Variants in ULK4 observed in about 807,000 individuals in gnomAD.
ULK4 encodes the protein unc-51 like kinase 4.
A neutral mutation model predicts 160.6 loss-of-function variants in ULK4; 133 were observed. The observed-to-expected ratio is 0.83, with a 90% CI of 0.72 to 0.96. The LOEUF (loss-of-function observed/expected upper bound fraction) is 0.96, where lower values mean the gene tolerates loss of function less well. Among genes scored for constraint, ULK4 ranks in the 40% least tolerant of loss-of-function variants. The probability of loss-of-function intolerance (pLI) is 0.00; values close to 1 mark genes in which losing one functional copy is unlikely to be tolerated. For missense variants in ULK4, 1,580 were observed against 1,499.5 expected (o/e 1.05, Z -0.89); for synonymous variants, 534 against 539.8 (o/e 0.99, Z 0.15).
At chr3:41,585,860 C>A (rs558009362) in intron 31 of ULK4, among the ~76,000 whole-genome samples, 1 of 152,166 alleles carries the variant, frequency 6.6e-6, no homozygotes, top group African/African-American at 2.4e-5. Context: ...CTTGAATAGA[C>A]AATTCTCTAA....
At chr3:41,915,923 T>A in intron 8 of ULK4, 54 bp downstream of exon 8, 1 of 1,247,088 alleles carries the variant, frequency 8.0e-7, no homozygotes, top group Middle Eastern at 1.9e-4. Context: ...TGCCCCTTAC[T>A]CCATTTGCAG....
intron 32 of ULK4, among the ~76,000 whole-genome samples, chr3:41,489,546 C>T (rs1398938197): frequency 6.6e-6 from 1 of 152,184 alleles, no homozygotes; most frequent in Non-Finnish European, 1.5e-5. Context: ...CACCATCCCC[C>T]TTCCTGGCAC....
chr3:41,668,571 G>C (rs1256562979), intron 29 of ULK4, among the ~76,000 whole-genome samples: 1 of 152,096 alleles, frequency 6.6e-6, no homozygotes, highest in Non-Finnish European at 1.5e-5. Flanking sequence ...GTTTGTATAA[G>C]GTAAACTCTA....
At chr3:41,695,077 T>C (rs1274972099) in intron 27 of ULK4, among the ~76,000 whole-genome samples, 2 of 152,206 alleles carry the variant, frequency 1.3e-5, no homozygotes, top group Non-Finnish European at 2.9e-5. Flanking sequence ...GATGGCATCC[T>C]TTAGCTGTGT....
At chr3:41,319,457 A>G (rs1430615651) in intron 35 of ULK4, among the ~76,000 whole-genome samples, 1 of 152,208 alleles carries the variant, frequency 6.6e-6, no homozygotes, top group Non-Finnish European at 1.5e-5. Flanking sequence ...GTCAATTTCA[A>G]GAGTCCAGAT....
intron 30 of ULK4, among the ~76,000 whole-genome samples, chr3:41,645,146 T>C (rs2034423813): frequency 6.6e-6 from 1 of 151,866 alleles, no homozygotes; most frequent in South Asian, 2.1e-4. Flanking sequence ...AAAAACCAGC[T>C]CCTGGATTCA....
intron 27 of ULK4, among the ~76,000 whole-genome samples, chr3:41,691,943 CTTTTTTT>C (rs751734628): frequency 3.1e-5 from 3 of 96,350 alleles, no homozygotes; most frequent in South Asian, 6.4e-4. Context: ...CAAATCACTT[CTTTTTTT>C]TTTTTTTTTT....
At chr3:41,717,901 A>G in intron 22 of ULK4, 40 bp from the exon 23 acceptor site, 1 of 1,588,800 alleles carries the variant, frequency 6.3e-7, no homozygotes, top group Non-Finnish European at 8.6e-7. Context: ...CTCATGATAA[A>G]ACACTTGATA....
intron 31 of ULK4, among the ~76,000 whole-genome samples, chr3:41,573,368 G>T (rs942784087): frequency 6.6e-6 from 1 of 152,164 alleles, no homozygotes; most frequent in East Asian, 1.9e-4. Context: ...CAGTTTCACC[G>T]TAGACAGGGC....
intron 35 of ULK4, among the ~76,000 whole-genome samples, chr3:41,342,139 T>C (rs372213680): frequency 2.0e-5 from 3 of 152,120 alleles, no homozygotes; most frequent in Non-Finnish European, 4.4e-5. Flanking sequence ...CAGAAGCATA[T>C]GGGGAGAGTA....
chr3:41,697,748 G>A (rs2036548452), intron 27 of ULK4, among the ~76,000 whole-genome samples: 1 of 152,058 alleles, frequency 6.6e-6, no homozygotes, highest in Non-Finnish European at 1.5e-5. Context: ...CTCCCAAAGT[G>A]CTAAGATTAC....
At chr3:41,487,205 A>C (rs988323643) in intron 32 of ULK4, among the ~76,000 whole-genome samples, 2 of 152,166 alleles carry the variant, frequency 1.3e-5, no homozygotes, top group Non-Finnish European at 2.9e-5. Context: ...TAAAGATATA[A>C]AAGGAAAACT....
intron 32 of ULK4, among the ~76,000 whole-genome samples, chr3:41,506,040 C>T (rs953075166): frequency 6.6e-6 from 1 of 152,038 alleles, no homozygotes; most frequent in African/African-American, 2.4e-5. Context: ...AATGCATTTA[C>T]TGTAGTGTTC....
In ULK4 at chr3:41,825,963, C is replaced by T. The variant is rs553895189; in HGVS notation, c.1765-6457G>A. 7.2e-5 allele frequency among the ~76,000 whole-genome samples: 11 copies of T among 152,256 alleles called. No individual in the cohort carries two copies. The East Asian group carries it at 7.7e-4, about 11-fold the overall frequency. ...CCATCAGACTAACAGCGGATCTCTTCGCAAAAACTCTACAAGCCAGAAGAG... is the reference window on the plus strand; with the variant it reads ...CCATCAGACTAACAGCGGATCTCTTTGCAAAAACTCTACAAGCCAGAAGAG... On this transcript the variant is annotated intron_variant, in intron 18 of 36. Transcript: ENST00000301831.
At chr3:41,296,545 C>T (rs1559510027) in intron 35 of ULK4, among the ~76,000 whole-genome samples, 1 of 152,146 alleles carries the variant, frequency 6.6e-6, no homozygotes, top group Admixed American at 6.5e-5. Flanking sequence ...GGTGAGAACT[C>T]TGTAGGGAGG....
intron 5 of ULK4, among the ~76,000 whole-genome samples, chr3:41,929,075 C>G (rs1216224013): frequency 2.0e-5 from 3 of 151,976 alleles, no homozygotes; most frequent in Non-Finnish European, 2.9e-5. Context: ...CGATAAACAT[C>G]GATGTGAAAA....
chr3:41,545,981 C>T (rs1472629174), intron 32 of ULK4, among the ~76,000 whole-genome samples: 2 of 151,922 alleles, frequency 1.3e-5, no homozygotes, highest in Admixed American at 1.3e-4. Flanking sequence ...AGATTTTCTA[C>T]CTCATCTCTT....
intron 32 of ULK4, among the ~76,000 whole-genome samples, chr3:41,554,329 A>G (rs1445721986): frequency 6.6e-6 from 1 of 152,214 alleles, no homozygotes; most frequent in Non-Finnish European, 1.5e-5. Context: ...ATGAATGGAT[A>G]AAGATAACGT....
At chr3:41,875,712 GT>G (rs967762650) in intron 17 of ULK4, among the ~76,000 whole-genome samples, 16 of 108,210 alleles carry the variant, frequency 1.5e-4, no homozygotes, top group Admixed American at 7.3e-4. Context: ...TTTCCTGAAT[GT>G]TTTTTTTTAG....
Sources: gnomAD v4.1 joint callset for allele counts (sites outside exome capture counted in the v4.1 genomes callset) on GRCh38, gnomAD v4.1.1 for gene constraint, MANE v1.5 for transcripts, NCBI Gene and HGNC (gene_info 2026-07-23, HGNC 2026-07-21) for gene names.